SOX6: variants seen among roughly 807,000 people sequenced by gnomAD.
The protein encoded by SOX6 is transcription factor SOX-6.
A neutral mutation model predicts 97.8 loss-of-function variants in SOX6; 11 were observed. That is an observed-to-expected ratio of 0.11 (90% CI 0.07 to 0.19). SOX6 has a LOEUF of 0.19. SOX6 is among the 10% of genes least tolerant of loss of function. SOX6 has a pLI of 1.00. For synonymous variants in SOX6, 360 were observed against 371.4 expected (o/e 0.97, Z 0.35); for missense variants, 810 against 1,039.5 (o/e 0.78, Z 3.04).
chr11:16,388,944 A>AT (rs1373656188), intron 1 of SOX6, among the ~76,000 whole-genome samples: 5 of 151,728 alleles, frequency 3.3e-5, no homozygotes, highest in African/African-American at 7.3e-5. Flanking sequence ...TATTTCTTCA[A>AT]TTTTTTTCCC....
At chr11:16,166,002 A>G (rs182171286) in intron 6 of SOX6, among the ~76,000 whole-genome samples, 106 of 152,250 alleles carry the variant, frequency 7.0e-4, no homozygotes, top group African/African-American at 2.4e-3. Context: ...ACTCAATATT[A>G]GCTATGTATT....
intron 12 of SOX6, among the ~76,000 whole-genome samples, chr11:16,037,026 T>TCA (rs200784798): frequency 1.6e-3 from 237 of 152,308 alleles, no homozygotes; most frequent in African/African-American, 5.6e-3. Flanking sequence ...ATATAATTTG[T>TCA]CACTTAAATG....
chr11:16,491,551 T>G (rs1166110571), intron 4 of SOX6, among the ~76,000 whole-genome samples: 1 of 151,956 alleles, frequency 6.6e-6, no homozygotes, highest in Admixed American at 6.6e-5. Context: ...GTGCCTAATA[T>G]AGTAAGTTCA....
chr11:16,559,042 C>T (rs1274001599), intron 4 of SOX6, among the ~76,000 whole-genome samples: 2 of 151,966 alleles, frequency 1.3e-5, no homozygotes, highest in Admixed American at 6.6e-5. Flanking sequence ...AAGAGGAGCT[C>T]ATTATATCAA....
rs1308393798 is a variant in SOX6, at chr11:16,613,106, T to G, written n.430-846A>C. 6.6e-6 allele frequency: 1 copy of G among 152,330 alleles called. No homozygotes were observed. The highest frequency in any genetic ancestry group is 1.5e-5 in the Non-Finnish European group (1 of 68,182). 9.4% of individuals were successfully genotyped at this position (152,330 alleles called of 1,614,324 possible). A position where few individuals can be genotyped will look rare whatever the true frequency, so the allele number is the denominator to read the frequency against. On this transcript the variant is annotated intron_variant and non_coding_transcript_variant, in intron 3 of 5. Transcript: ENST00000524520. The surrounding 1 kb of genome is among the most constrained non-coding windows in gnomAD (Gnocchi z 4.6). ...GGGGGCAGCTCAAGCCTTGTCCAAG[T>G]TAGTCAGAAGGCGGTGTTAGGCAGG...
chr11:16,552,017 T>C (rs898885743), intron 4 of SOX6, among the ~76,000 whole-genome samples: 29 of 152,178 alleles, frequency 1.9e-4, no homozygotes, highest in Non-Finnish European at 5.9e-5. Context: ...TAATGTACAT[T>C]TTTCTTACAC....
chr11:16,671,893 T>C (rs1847850105), intron 3 of SOX6, among the ~76,000 whole-genome samples: 1 of 152,026 alleles, frequency 6.6e-6, no homozygotes, highest in Non-Finnish European at 1.5e-5. Flanking sequence ...TTATGGCAGC[T>C]AAAGAGAAAG....
At chr11:16,573,216 A>G (rs188112361) in intron 4 of SOX6, among the ~76,000 whole-genome samples, 1 of 152,344 alleles carries the variant, frequency 6.6e-6, no homozygotes, top group East Asian at 1.9e-4. Context: ...ACCTATGTGT[A>G]CAGTATCCCT....
At chr11:16,731,651 C>T (rs1324514493) in intron 2 of SOX6, among the ~76,000 whole-genome samples, 2 of 152,092 alleles carry the variant, frequency 1.3e-5, no homozygotes, top group Non-Finnish European at 2.9e-5. Flanking sequence ...ACTGAATGGG[C>T]AAAAACCGGA....
At chr11:16,439,017 A>G (rs944830608) in intron 1 of SOX6, among the ~76,000 whole-genome samples, 3 of 152,336 alleles carry the variant, frequency 2.0e-5, no homozygotes, top group Non-Finnish European at 2.9e-5. Flanking sequence ...TCAGGCAAGT[A>G]TAAGAGAAAG....
chr11:16,332,604 T>C (rs1272296384), intron 2 of SOX6, among the ~76,000 whole-genome samples: 1 of 152,140 alleles, frequency 6.6e-6, no homozygotes, highest in Non-Finnish European at 1.5e-5. Flanking sequence ...ATAAAGAAGA[T>C]AAATGAAATG....
chr11:16,203,315 G>GA (rs1851988106), intron 4 of SOX6, among the ~76,000 whole-genome samples: 2 of 118,792 alleles, frequency 1.7e-5, no homozygotes, highest in South Asian at 6.6e-4. Context: ...TCATGGCAGG[G>GA]AAAAAAAAGG....
At chr11:16,302,714 CG>C (rs747538132) in intron 3 of SOX6, among the ~76,000 whole-genome samples, 2 of 151,602 alleles carry the variant, frequency 1.3e-5, no homozygotes, top group Non-Finnish European at 2.9e-5. Flanking sequence ...GGATTACAGG[CG>C]TGCGCCACCA....
chr11:16,457,627 C>G (rs1859834078), intron 1 of SOX6, among the ~76,000 whole-genome samples: 1 of 152,018 alleles, frequency 6.6e-6, no homozygotes, highest in African/African-American at 2.4e-5. Context: ...GTATTCAACT[C>G]CAAGGTCCAT....
intron 4 of SOX6, among the ~76,000 whole-genome samples, chr11:16,573,117 G>A (rs536720571): frequency 6.6e-4 from 101 of 152,252 alleles, no homozygotes; most frequent in African/African-American, 2.3e-3. Context: ...AATACTTAAT[G>A]TAACATGAAA....
chr11:16,224,414 T>G (rs1852625158), intron 4 of SOX6, among the ~76,000 whole-genome samples: 1 of 152,074 alleles, frequency 6.6e-6, no homozygotes, highest in African/African-American at 2.4e-5. Flanking sequence ...ATCCCAACAG[T>G]TAACAATGAT....
intron 3 of SOX6, among the ~76,000 whole-genome samples, chr11:16,235,918 T>TATCAATCA (rs1853004573): frequency 6.6e-6 from 1 of 152,194 alleles, no homozygotes; most frequent in South Asian, 2.1e-4. Context: ...TCTGTGACAC[T>TATCAATCA]ATCAATCAAT....
chr11:16,328,089 G>C (rs1222434916), intron 2 of SOX6, among the ~76,000 whole-genome samples: 1 of 152,068 alleles, frequency 6.6e-6, no homozygotes, highest in Admixed American at 6.6e-5. Context: ...CTATAGACAA[G>C]GTTTATTGAG....
At chr11:16,030,353 T>C (rs548759823) in intron 12 of SOX6, among the ~76,000 whole-genome samples, 3 of 152,324 alleles carry the variant, frequency 2.0e-5, no homozygotes, top group Admixed American at 6.5e-5. Context: ...ACAATTATAG[T>C]TTCTCAACTA....
Sources: allele counts gnomAD v4.1 joint callset (sites outside exome capture counted in the v4.1 genomes callset), GRCh38; gene constraint gnomAD v4.1.1; non-coding constraint Gnocchi (gnomAD v3.1); transcripts MANE v1.5; gene names NCBI Gene and HGNC (gene_info 2026-07-23, HGNC 2026-07-21).